Variants in RAPGEF4 observed in about 807,000 individuals in gnomAD.
The protein encoded by RAPGEF4 is RAP guanine-nucleotide-exchange factor (GEF) 4.
A neutral mutation model predicts 147.9 loss-of-function variants in RAPGEF4; 66 were observed. The observed-to-expected ratio is 0.45, with a 90% CI of 0.37 to 0.55. RAPGEF4 has a LOEUF of 0.55. Among genes scored for constraint, RAPGEF4 ranks in the 20% least tolerant of loss-of-function variants. The pLI is 0.00. For missense variants in RAPGEF4, 1,071 were observed against 1,257.3 expected, an observed-to-expected ratio of 0.85 and a Z score of 2.24; for synonymous variants, 419 against 442.7, an observed-to-expected ratio of 0.95 and a Z score of 0.67.
intron 4 of RAPGEF4, among the ~76,000 whole-genome samples, chr2:172,816,632 G>T (rs573808977): frequency 6.2e-4 from 94 of 152,254 alleles, no homozygotes; most frequent in Middle Eastern, 3.4e-3. Flanking sequence ...GATATGGAGG[G>T]CTGTCCTTGC....
At chr2:172,901,096 T>C (rs1699016169) in intron 4 of RAPGEF4, among the ~76,000 whole-genome samples, 1 of 152,212 alleles carries the variant, frequency 6.6e-6, no homozygotes, top group Non-Finnish European at 1.5e-5. Context: ...AGTGACATGC[T>C]TTATATCTGT....
intron 4 of RAPGEF4, among the ~76,000 whole-genome samples, chr2:172,853,023 G>A (rs937408627): frequency 6.6e-6 from 1 of 151,938 alleles, no homozygotes; most frequent in Non-Finnish European, 1.5e-5. Context: ...CCTTTTTATT[G>A]ATATATATTG....
chr2:172,817,864 AAAGAAATTGTG>A (rs1688655199), intron 4 of RAPGEF4, among the ~76,000 whole-genome samples: 1 of 95,364 alleles, frequency 1.0e-5, no homozygotes, highest in Non-Finnish European at 2.1e-5. Flanking sequence ...ATGAGTGGAT[AAAGAAATTGTG>A]ATATATATAT....
At chr2:172,858,790 T>G (rs1693716138) in intron 4 of RAPGEF4, among the ~76,000 whole-genome samples, 1 of 152,214 alleles carries the variant, frequency 6.6e-6, no homozygotes, top group Non-Finnish European at 1.5e-5. Flanking sequence ...TAAGAAGAAC[T>G]GATACCCTGA....
At chr2:172,824,005 C>T (rs1473391680) in intron 4 of RAPGEF4, among the ~76,000 whole-genome samples, 1 of 152,068 alleles carries the variant, frequency 6.6e-6, no homozygotes, top group Admixed American at 6.5e-5. Flanking sequence ...TTCTTATGTG[C>T]CTTATGAGTT....
intron 4 of RAPGEF4, among the ~76,000 whole-genome samples, chr2:172,864,364 G>A (rs1383256272): frequency 2.6e-5 from 4 of 152,172 alleles, no homozygotes; most frequent in Non-Finnish European, 1.5e-5. Context: ...GCTCTTGAGG[G>A]GAAAGAACAT....
chr2:173,037,775 C>A (rs1324024028), intron 29 of RAPGEF4, among the ~76,000 whole-genome samples: 2 of 152,166 alleles, frequency 1.3e-5, no homozygotes, highest in Non-Finnish European at 2.9e-5. Flanking sequence ...TCACTTTATA[C>A]TTGTCCCTTA....
chr2:172,747,479 T>A (rs1474369752), intron 1 of RAPGEF4, among the ~76,000 whole-genome samples: 1 of 152,176 alleles, frequency 6.6e-6, no homozygotes, highest in Non-Finnish European at 1.5e-5. Context: ...TTTAATTTTA[T>A]TTTTTGAGAT....
At chr2:172,844,712 A>C (rs1171459405) in intron 4 of RAPGEF4, among the ~76,000 whole-genome samples, 1 of 152,192 alleles carries the variant, frequency 6.6e-6, no homozygotes, top group Non-Finnish European at 1.5e-5. Context: ...GACATTTGAC[A>C]TTTTGTACTT....
intron 6 of RAPGEF4, among the ~76,000 whole-genome samples, chr2:172,950,170 C>G (rs1688069823): frequency 6.6e-6 from 1 of 152,158 alleles, no homozygotes; most frequent in African/African-American, 2.4e-5. Flanking sequence ...CCTTCCTGAA[C>G]ACAATTAAAG....
At chr2:172,887,363 A>C (rs1697359123) in intron 4 of RAPGEF4, among the ~76,000 whole-genome samples, 1 of 152,220 alleles carries the variant, frequency 6.6e-6, no homozygotes, top group African/African-American at 2.4e-5. Flanking sequence ...TTTACTTAAA[A>C]AAAATTTAAC....
At chr2:173,029,262 T>C (rs1390301434) in intron 25 of RAPGEF4, among the ~76,000 whole-genome samples, 1 of 152,248 alleles carries the variant, frequency 6.6e-6, no homozygotes, top group East Asian at 1.9e-4. Flanking sequence ...CAATTTAGTC[T>C]TTTTCAAAAA....
chr2:172,909,398 G>A (rs574746268), intron 4 of RAPGEF4, among the ~76,000 whole-genome samples: 78 of 152,276 alleles, frequency 5.1e-4, no homozygotes, highest in African/African-American at 1.7e-3. Context: ...TATCATTGTA[G>A]GACTTGAGCC....
chr2:172,961,002 A>G lies in RAPGEF4; in HGVS notation c.592-120A>G. 4 of 887,342 alleles carry G rather than the reference A, an allele frequency of 4.5e-6. No individual in the cohort carries two copies. The South Asian group carries it at 4.6e-5, about 10-fold the overall frequency. 55.0% of individuals were successfully genotyped at this position (887,342 alleles called of 1,614,324 possible). A position where few individuals can be genotyped will look rare whatever the true frequency, so the allele number is the denominator to read the frequency against. On this transcript the variant is annotated intron_variant, in intron 7 of 30. Transcript: ENST00000397081. ...CACAAGTGAACAAAGTAAAGCACTG[A>G]GTGAGTTATGTTTTCCAAGCCAGAG...
At chr2:172,840,432 C>T (rs945121786) in intron 4 of RAPGEF4, among the ~76,000 whole-genome samples, 79 of 152,334 alleles carry the variant, frequency 5.2e-4, no homozygotes, top group African/African-American at 1.7e-3. Context: ...ATCTGCACAA[C>T]GCCTATTCTA....
chr2:172,788,138 G>T (rs1453877014), intron 1 of RAPGEF4, among the ~76,000 whole-genome samples: 1 of 152,154 alleles, frequency 6.6e-6, no homozygotes, highest in Non-Finnish European at 1.5e-5. Context: ...ATTCATGAGG[G>T]CTCTGCCCTT....
intron 8 of RAPGEF4, among the ~76,000 whole-genome samples, chr2:172,964,901 T>C (rs1174828138): frequency 2.0e-5 from 3 of 152,324 alleles, no homozygotes; most frequent in South Asian, 2.1e-4. Flanking sequence ...GAAGGGCATC[T>C]TGGGGACTAA....
chr2:172,894,377 T>C (rs1698261017), intron 4 of RAPGEF4: 1 of 152,242 alleles, frequency 6.6e-6, no homozygotes, highest in Non-Finnish European at 1.5e-5. Flanking sequence ...CCCTTTGCGC[T>C]ATGCAAGATT....
rs1684235125 is a variant in RAPGEF4 at position 172,917,795 on chromosome 2, C to T, written c.445-7C>T. 1 of 1,609,630 alleles carries T rather than the reference C, an allele frequency of 6.2e-7. No individual in the cohort carries two copies. The highest frequency in any genetic ancestry group is 1.3e-5 in the African/African-American group (1 of 74,806). ...CTGTGTGTTGAGTTTACAATCTTGT[C>T]TTTCAGAAATATCGACAGTATATGG... On this transcript the variant is annotated splice_region_variant and splice_polypyrimidine_tract_variant and intron_variant, in intron 4 of 30. Transcript: ENST00000397081.
Sources: allele counts gnomAD v4.1 joint callset (sites outside exome capture counted in the v4.1 genomes callset), GRCh38; gene constraint gnomAD v4.1.1; transcripts MANE v1.5; gene names NCBI Gene and HGNC (gene_info 2026-07-23, HGNC 2026-07-21).